The following PLCG2 variants were observed in gnomAD, a reference collection of about 807,000 sequenced individuals.
PLCG2 encodes the protein phospholipase C gamma 2, also known as 1-phosphatidylinositol 4,5-bisphosphate phosphodiesterase gamma-2.
PLCG2 carries 69 observed loss-of-function variants against 175.6 expected under a neutral mutation model. That is an observed-to-expected ratio of 0.39 (90% CI 0.32 to 0.48). The LOEUF (loss-of-function observed/expected upper bound fraction) is 0.48. Among genes scored for constraint, PLCG2 ranks in the 20% least tolerant of loss-of-function variants. The probability of loss-of-function intolerance (pLI) is 0.91; values close to 1 mark genes in which losing one functional copy is unlikely to be tolerated. For missense variants in PLCG2, 1,798 were observed against 1,650.9 expected (o/e 1.09, Z -1.54); for synonymous variants, 827 against 624.0 (o/e 1.33, Z -4.85).
intron 2 of PLCG2, among the ~76,000 whole-genome samples, chr16:81,839,571 C>T (rs947423884): frequency 6.6e-6 from 1 of 152,084 alleles, no homozygotes; most frequent in Non-Finnish European, 1.5e-5. Flanking sequence ...AATATTGATT[C>T]ACTATTTTTA....
At chr16:81,941,883 A>AAAAAAGTGATGGGATTAAAGGAGTGAACC (rs1910956746) in intron 30 of PLCG2, among the ~76,000 whole-genome samples, 1 of 152,048 alleles carries the variant, frequency 6.6e-6, no homozygotes, top group East Asian at 1.9e-4. Flanking sequence ...GTTGGTCTGA[A>AAAAAAGTGATGGGATTAAAGGAGTGAACC]AAAAAGTGAT....
chr16:81,752,461 C>T (rs902927078), intron 1 of PLCG2, among the ~76,000 whole-genome samples: 8 of 152,144 alleles, frequency 5.3e-5, no homozygotes, highest in African/African-American at 1.4e-4. Flanking sequence ...GGCGGCTGGC[C>T]GTGGCAGCAC....
At chr16:81,946,905 CAGACCCTTTGCTTAGTGAAG>C (rs1911174064) in intron 31 of PLCG2, among the ~76,000 whole-genome samples, 1 of 17,960 alleles carries the variant, frequency 5.6e-5, no homozygotes, top group Non-Finnish European at 1.5e-4. Context: ...CTTAGTGAAG[CAGACCCTTTGCTTAGTGAAG>C]CTTATCCCTC....
intron 2 of PLCG2, among the ~76,000 whole-genome samples, chr16:81,756,564 C>G (rs1230488550): frequency 6.6e-6 from 1 of 152,144 alleles, no homozygotes; most frequent in Non-Finnish European, 1.5e-5. Context: ...CCACACCATA[C>G]AGTGTCTCAG....
At chr16:81,806,514 C>A (rs1363967634) in intron 2 of PLCG2, among the ~76,000 whole-genome samples, 2 of 152,070 alleles carry the variant, frequency 1.3e-5, no homozygotes. Flanking sequence ...TTGGGGGTTG[C>A]TTTTGACCCA....
intron 2 of PLCG2, among the ~76,000 whole-genome samples, chr16:81,841,414 T>C (rs1905824023): frequency 6.6e-6 from 1 of 152,062 alleles, no homozygotes; most frequent in Non-Finnish European, 1.5e-5. Flanking sequence ...CTAATTTTTG[T>C]ATTTTTAGTA....
intron 13 of PLCG2, among the ~76,000 whole-genome samples, chr16:81,897,634 C>T (rs1908956376): frequency 6.6e-6 from 1 of 151,174 alleles, no homozygotes; most frequent in Admixed American, 6.6e-5. Context: ...CAACCTCCAC[C>T]TCCTGAGTTC....
At chr16:81,879,375 C>T (rs796643164) in intron 7 of PLCG2, among the ~76,000 whole-genome samples, 13 of 152,302 alleles carry the variant, frequency 8.5e-5, no homozygotes, top group African/African-American at 3.1e-4. Context: ...AATTACACAT[C>T]AACGAAAGGA....
intron 22 of PLCG2, among the ~76,000 whole-genome samples, chr16:81,924,215 G>A (rs1044474520): frequency 2.6e-5 from 4 of 152,220 alleles, no homozygotes; most frequent in African/African-American, 9.6e-5. Context: ...ATAGGTTTCT[G>A]GGGAAGTGGT....
In PLCG2 at chr16:81,904,555, A is replaced by G. The variant is rs377301346; in HGVS notation, c.1363-848A>G. ...GTTTGCACCCCGGTCGCCTTAGTCT[A>G]ATCCCCATTGGGTCCCCCGCCACCC... On this transcript the variant is annotated intron_variant, in intron 14 of 32. Coordinates refer to ENST00000564138, the MANE Select transcript of PLCG2 (RefSeq NM_002661.5). Among the ~76,000 whole-genome samples the G allele has an allele frequency of 1.6e-4, 25 of 152,318 alleles. No homozygotes were observed. The East Asian group carries it at 4.4e-3, about 27-fold the overall frequency.
intron 19 of PLCG2, among the ~76,000 whole-genome samples, chr16:81,914,587 A>T (rs550949112): frequency 6.6e-6 from 1 of 152,184 alleles, no homozygotes. Context: ...ATTTTTTAGA[A>T]GTTAATAGAT....
intron 2 of PLCG2, among the ~76,000 whole-genome samples, chr16:81,831,370 A>G (rs1209940610): frequency 6.6e-6 from 1 of 152,206 alleles, no homozygotes; most frequent in East Asian, 1.9e-4. Flanking sequence ...CATCATCGTG[A>G]GAATCTGTGG....
chr16:81,927,043 C>G, intron 22 of PLCG2, 39 bp from the exon 23 acceptor site: 18 of 1,376,872 alleles, frequency 1.3e-5, no homozygotes, highest in Non-Finnish European at 1.9e-5. Context: ...ATTCATGCCA[C>G]CTGGTGACAG....
At chr16:81,760,100 A>AGTT (rs1178826082) in intron 2 of PLCG2, among the ~76,000 whole-genome samples, 1 of 152,182 alleles carries the variant, frequency 6.6e-6, no homozygotes, top group Non-Finnish European at 1.5e-5. Context: ...CTCATCTATC[A>AGTT]GTTGTAGGAG....
chr16:81,769,161 C>G (rs575350995), intron 2 of PLCG2, among the ~76,000 whole-genome samples: 5 of 152,290 alleles, frequency 3.3e-5, no homozygotes, highest in Non-Finnish European at 5.9e-5. Flanking sequence ...TCTGCTCCCC[C>G]ACAAAGGAAC....
At chr16:81,923,674 C>A in intron 22 of PLCG2, 80 bp downstream of exon 22, 2 of 792,126 alleles carry the variant, frequency 2.5e-6, no homozygotes, top group Non-Finnish European at 4.2e-6. Flanking sequence ...AGGTGCTGGC[C>A]AAGTCTGACC....
intron 31 of PLCG2, among the ~76,000 whole-genome samples, chr16:81,949,453 T>A (rs1365436168): frequency 1.3e-5 from 2 of 152,148 alleles, no homozygotes; most frequent in Non-Finnish European, 1.5e-5. Flanking sequence ...TGCTGAAAAC[T>A]AAAAGACTCC....
intron 5 of PLCG2, among the ~76,000 whole-genome samples, chr16:81,860,172 A>ATTATTTT (rs763047744): frequency 1.4e-3 from 169 of 120,596 alleles, no homozygotes; most frequent in Admixed American, 2.7e-3. Context: ...TATTATTATT[A>ATTATTTT]TTTTTTTTTT....
At chr16:81,924,702 C>T (rs1212995026) in intron 22 of PLCG2, among the ~76,000 whole-genome samples, 2 of 152,260 alleles carry the variant, frequency 1.3e-5, no homozygotes, top group Non-Finnish European at 2.9e-5. Flanking sequence ...CCAATTCATA[C>T]CTAGATTCCA....
Sources: allele counts gnomAD v4.1 joint callset (sites outside exome capture counted in the v4.1 genomes callset), GRCh38; gene constraint gnomAD v4.1.1; transcripts MANE v1.5; gene names NCBI Gene and HGNC (gene_info 2026-07-23, HGNC 2026-07-21).